Variants in DACH1 observed in about 807,000 individuals in gnomAD.
DACH1 encodes dachshund family transcription factor 1.
In DACH1, 12 loss-of-function variants were observed where a neutral mutation model predicts 54.2. The observed-to-expected ratio is 0.22, with a 90% CI of 0.14 to 0.36. The LOEUF (loss-of-function observed/expected upper bound fraction) is 0.36. DACH1 is among the 10% of genes least tolerant of loss of function. The probability of loss-of-function intolerance (pLI) is 1.00; values close to 1 mark genes in which losing one functional copy is unlikely to be tolerated. For synonymous variants in DACH1, 386 were observed against 366.2 expected, an observed-to-expected ratio of 1.05 and a Z score of -0.62; for missense variants, 805 against 929.8, an observed-to-expected ratio of 0.87 and a Z score of 1.75.
At chr13:71,535,026 A>G (rs939303848) in intron 6 of DACH1, among the ~76,000 whole-genome samples, 1 of 151,802 alleles carries the variant, frequency 6.6e-6, no homozygotes, top group East Asian at 1.9e-4. Context: ...TGACTCTTTA[A>G]CTCCCAGAAT....
intron 6 of DACH1, among the ~76,000 whole-genome samples, chr13:71,500,492 T>C (rs552100711): frequency 2.0e-4 from 30 of 152,276 alleles, no homozygotes; most frequent in Non-Finnish European, 4.1e-4. Flanking sequence ...TGAGGACTGA[T>C]ATTCAAAGTC....
intron 2 of DACH1, among the ~76,000 whole-genome samples, chr13:71,657,829 T>C (rs1014186313): frequency 6.6e-6 from 1 of 152,108 alleles, no homozygotes; most frequent in Non-Finnish European, 1.5e-5. Context: ...CGGGCTTGTC[T>C]TGAACTCAGC....
chr13:71,543,949 C>G (rs1262192446), intron 6 of DACH1, among the ~76,000 whole-genome samples: 1 of 152,088 alleles, frequency 6.6e-6, no homozygotes, highest in Admixed American at 6.6e-5. Flanking sequence ...AATTGTCCCA[C>G]CTTACCACTA....
chr13:71,463,903 C>T (rs1277621212), intron 10 of DACH1, among the ~76,000 whole-genome samples: 1 of 151,842 alleles, frequency 6.6e-6, no homozygotes, highest in African/African-American at 2.4e-5. Context: ...GATTTCATCC[C>T]TTCCAAGGCA....
chr13:71,453,567 C>G (rs1044927688), intron 10 of DACH1, among the ~76,000 whole-genome samples: 1 of 152,040 alleles, frequency 6.6e-6, no homozygotes, highest in Admixed American at 6.6e-5. Flanking sequence ...TTATTTTCTT[C>G]TAAGTTTGGA....
At chr13:71,514,653 A>G (rs954463355) in intron 6 of DACH1, among the ~76,000 whole-genome samples, 4 of 151,856 alleles carry the variant, frequency 2.6e-5, no homozygotes, top group African/African-American at 4.8e-5. Context: ...ATAAATTGCC[A>G]CAAAAACATG....
At chr13:71,661,346 T>C (rs1000019059) in intron 2 of DACH1, among the ~76,000 whole-genome samples, 3 of 151,702 alleles carry the variant, frequency 2.0e-5, no homozygotes, top group African/African-American at 7.2e-5. Flanking sequence ...CACTTAAATC[T>C]GTCAAAGGAC....
chr13:71,605,908 G>A (rs9542723), intron 3 of DACH1, among the ~76,000 whole-genome samples: 1 of 151,910 alleles, frequency 6.6e-6, no homozygotes, highest in African/African-American at 2.4e-5. Context: ...TAATAACTTA[G>A]ACTCAGTAGG....
At chr13:71,596,793 T>C (rs1028859539) in intron 3 of DACH1, among the ~76,000 whole-genome samples, 2 of 152,146 alleles carry the variant, frequency 1.3e-5, no homozygotes, top group Admixed American at 6.5e-5. Context: ...AATTACATTT[T>C]TGGCAGACAA....
rs558767762 is a variant in DACH1, at chr13:71,777,690, T to A, written c.848+88232A>T. 1.1e-4 allele frequency among the ~76,000 whole-genome samples: 17 copies of A among 152,272 alleles called. No individual in the cohort carries two copies. The South Asian group carries it at 3.5e-3, about 32-fold the overall frequency. On this transcript the variant is annotated intron_variant, in intron 1 of 10. Coordinates refer to ENST00000613252, the MANE Select transcript of DACH1 (RefSeq NM_080759.6). ...TTTCCTAAATTTTTGTTTTGTTTTGTCTAGTTTGGATTTCTACTGGACAAC... is the reference window on the plus strand; with the variant it reads ...TTTCCTAAATTTTTGTTTTGTTTTGACTAGTTTGGATTTCTACTGGACAAC...
At chr13:71,853,916 G>T (rs1873832502) in intron 1 of DACH1, among the ~76,000 whole-genome samples, 1 of 152,004 alleles carries the variant, frequency 6.6e-6, no homozygotes. Flanking sequence ...TCTTGGACAT[G>T]GTTGCTGGGT....
chr13:71,562,108 T>C (rs1302813077), intron 4 of DACH1, among the ~76,000 whole-genome samples: 1 of 152,188 alleles, frequency 6.6e-6, no homozygotes, highest in African/African-American at 2.4e-5. Flanking sequence ...TTAAGAGTTT[T>C]TGTACAGAGC....
At chr13:71,705,375 A>G (rs1176669475) in intron 1 of DACH1, among the ~76,000 whole-genome samples, 1 of 126,634 alleles carries the variant, frequency 7.9e-6, no homozygotes, top group Non-Finnish European at 1.5e-5. Context: ...TGTTGGCTAC[A>G]ACTCTCTCAG....
chr13:71,590,458 G>A (rs957655005), intron 3 of DACH1, among the ~76,000 whole-genome samples: 1 of 152,118 alleles, frequency 6.6e-6, no homozygotes, highest in East Asian at 1.9e-4. Flanking sequence ...AAATTTGATG[G>A]ATAAATACAC....
chr13:71,635,279 G>A (rs9542726), intron 2 of DACH1, among the ~76,000 whole-genome samples: 1 of 152,084 alleles, frequency 6.6e-6, no homozygotes, highest in Non-Finnish European at 1.5e-5. Flanking sequence ...GTCTTGCCTA[G>A]GGCTGGAGAG....
chr13:71,853,450 A>T (rs960262290), intron 1 of DACH1, among the ~76,000 whole-genome samples: 1 of 152,208 alleles, frequency 6.6e-6, no homozygotes, highest in Non-Finnish European at 1.5e-5. Flanking sequence ...CAAGGACAAC[A>T]GGATAAGGTT....
chr13:71,617,190 CAT>C (rs775080808), intron 3 of DACH1, among the ~76,000 whole-genome samples: 1 of 152,110 alleles, frequency 6.6e-6, no homozygotes, highest in Non-Finnish European at 1.5e-5. Flanking sequence ...TTTTACAAAA[CAT>C]GTGAATTTGG....
chr13:71,637,738 C>T (rs1877587474), intron 2 of DACH1, among the ~76,000 whole-genome samples: 1 of 152,022 alleles, frequency 6.6e-6, no homozygotes, highest in African/African-American at 2.4e-5. Context: ...TCTTCAAATG[C>T]CATTATACAA....
In DACH1 at chr13:71,728,830, A is replaced by T. The variant is rs1883602742; in HGVS notation, c.849-46920T>A. On this transcript the variant is annotated intron_variant, in intron 1 of 10. Coordinates refer to ENST00000613252, the MANE Select transcript of DACH1 (RefSeq NM_080759.6). ...TTATTCTATCCAAGTAATGTGTAATAGAAAAAGAATTGACCTATTCTATAA... is the reference window on the plus strand; with the variant it reads ...TTATTCTATCCAAGTAATGTGTAATTGAAAAAGAATTGACCTATTCTATAA... 5.3e-5 allele frequency among the ~76,000 whole-genome samples: 8 copies of T among 152,142 alleles called. No individual in the cohort carries two copies. The South Asian group carries it at 1.7e-3, about 32-fold the overall frequency.
Sources: gnomAD v4.1 joint callset for allele counts (sites outside exome capture counted in the v4.1 genomes callset) on GRCh38, gnomAD v4.1.1 for gene constraint, MANE v1.5 for transcripts, NCBI Gene and HGNC (gene_info 2026-07-23, HGNC 2026-07-21) for gene names.